Variants in TESC observed in about 807,000 individuals in gnomAD.
TESC encodes the protein tescalcin, also known as calcineurin B homologous protein 3.
TESC carries 19 observed loss-of-function variants against 31.0 expected under a neutral mutation model. That is an observed-to-expected ratio of 0.61 (90% CI 0.43 to 0.90). The LOEUF is 0.90. Ranked by LOEUF, TESC falls within the 40% of genes least tolerant of loss-of-function variation. TESC has a pLI of 0.00. For synonymous variants in TESC, 109 were observed against 114.8 expected (o/e 0.95, Z 0.32); for missense variants, 248 against 303.8 (o/e 0.82, Z 1.36).
Position 117,075,759 on chromosome 12 carries a change from G to A in TESC, c.59-419C>T, listed in dbSNP as rs1593014935. 2.7e-5 allele frequency among the ~76,000 whole-genome samples: 4 copies of A among 148,820 alleles called. No individual in the cohort carries two copies. The South Asian group carries it at 8.6e-4, about 32-fold the overall frequency. Reference sequence around the variant, plus strand: ...AGCTCACTGCAGCCTCCACCTCCTGGGCTCCAGAGATCCTCCCACCTTGGC... The same window carrying A: ...AGCTCACTGCAGCCTCCACCTCCTGAGCTCCAGAGATCCTCCCACCTTGGC... On this transcript the variant is annotated intron_variant, in intron 1 of 7. Transcript: ENST00000335209.
chr12:117,066,200 C>CTTTTTTTTTTTTTTTTTTT lies in TESC; in HGVS notation c.128+9052_128+9070dup, dbSNP rs58829406. On this transcript the variant is annotated intron_variant, in intron 2 of 7. Coordinates refer to ENST00000335209, the MANE Select transcript of TESC (RefSeq NM_017899.4). ...TGTCTGCCCTGTTTCCTTCCTTTAG[C>CTTTTTTTTTTTTTTTTTTT]TTTTTTTTTTTTTTTTTTTTTTTTG... Among the ~76,000 whole-genome samples, 49 of 62,982 alleles carry CTTTTTTTTTTTTTTTTTTT rather than the reference C, an allele frequency of 7.8e-4. 6 individuals carry two copies. The highest frequency in any genetic ancestry group is 1.4e-3 in the African/African-American group (17 of 11,754). 41.3% of individuals were successfully genotyped at this position (62,982 alleles called of 152,430 possible). A position where few individuals can be genotyped will look rare whatever the true frequency, so the allele number is the denominator to read the frequency against.
At chr12:117,080,419 G>A (rs940267691) in intron 1 of TESC, among the ~76,000 whole-genome samples, 1 of 152,114 alleles carries the variant, frequency 6.6e-6, no homozygotes, top group Non-Finnish European at 1.5e-5. Context: ...AGTGAGCCCA[G>A]ATCGCACCAC....
intron 2 of TESC, among the ~76,000 whole-genome samples, chr12:117,065,669 C>G (rs7297496): frequency 0.47 from 71,243 of 151,790 alleles, 19,885 homozygotes; most frequent in African/African-American, 0.79. Flanking sequence ...TGAGAGGACT[C>G]CTTGAGCCCA....
At chr12:117,063,293 G>A (rs558131115) in intron 2 of TESC, among the ~76,000 whole-genome samples, 42 of 152,158 alleles carry the variant, frequency 2.8e-4, no homozygotes, top group Middle Eastern at 3.4e-3. Flanking sequence ...TTCCAGTTGC[G>A]CATTTTTACG....
rs561930624 is a variant in TESC, at chr12:117,053,051, T to C, written c.209+3755A>G. 4.6e-5 allele frequency among the ~76,000 whole-genome samples: 7 copies of C among 152,196 alleles called. No homozygotes were observed. In the East Asian group the frequency reaches 1.4e-3, roughly 29 times the overall value. ...CACCGCCCCTTCCTGCCTAGCTCCC[T>C]CCTCAGGGTCCCCACAGGCCCGTCG... is the stretch of plus-strand genomic sequence containing the variant. On this transcript the variant is annotated intron_variant, in intron 3 of 7. Transcript: ENST00000335209.
intron 3 of TESC, among the ~76,000 whole-genome samples, chr12:117,052,906 C>G (rs1440087897): frequency 6.6e-6 from 1 of 151,750 alleles, no homozygotes; most frequent in African/African-American, 2.4e-5. Flanking sequence ...CAAATCAGAG[C>G]CTGTTGTTCC....
chr12:117,047,881 C>T (rs1192237996), intron 4 of TESC, among the ~76,000 whole-genome samples: 1 of 152,126 alleles, frequency 6.6e-6, no homozygotes, highest in Non-Finnish European at 1.5e-5. Flanking sequence ...CCAGGGACCA[C>T]AGGCACGCAG....
chr12:117,074,811 GTTCT>G (rs2135784081), intron 2 of TESC, among the ~76,000 whole-genome samples: 1 of 152,332 alleles, frequency 6.6e-6, no homozygotes, highest in South Asian at 2.1e-4. Context: ...AACAGAAGTG[GTTCT>G]TTCTTACTGT....
intron 2 of TESC, among the ~76,000 whole-genome samples, chr12:117,070,598 G>A (rs549268387): frequency 1.3e-5 from 2 of 152,270 alleles, no homozygotes; most frequent in African/African-American, 2.4e-5. Context: ...CAATGCCCCT[G>A]GCTTCCTACA....
At chr12:117,081,734 T>C (rs775312423) in intron 1 of TESC, among the ~76,000 whole-genome samples, 13 of 151,956 alleles carry the variant, frequency 8.6e-5, no homozygotes, top group East Asian at 3.9e-4. Context: ...TGAAACCCCA[T>C]CTCTACTAAA....
At chr12:117,065,395 A>C (rs371601612) in intron 2 of TESC, among the ~76,000 whole-genome samples, 1 of 152,180 alleles carries the variant, frequency 6.6e-6, no homozygotes, top group Non-Finnish European at 1.5e-5. Context: ...GCTGAGACAA[A>C]GGGAGGAATC....
intron 1 of TESC, among the ~76,000 whole-genome samples, chr12:117,094,634 C>T (rs1955366119): frequency 6.6e-6 from 1 of 152,136 alleles, no homozygotes; most frequent in South Asian, 2.1e-4. Flanking sequence ...GTGTTTAACC[C>T]TTAAAGGTCG....
intron 1 of TESC, among the ~76,000 whole-genome samples, chr12:117,081,669 C>G (rs150640181): frequency 2.0e-5 from 3 of 151,560 alleles, no homozygotes; most frequent in Non-Finnish European, 4.4e-5. Context: ...TTTGGGAGGC[C>G]GAGGCTGGTG....
In TESC at chr12:117,099,335, G is replaced by C. The variant is rs1955441362; in HGVS notation, c.-53C>G. The C allele has an allele frequency of 2.9e-6, 4 of 1,367,672 alleles. No homozygotes were observed. The Middle Eastern group carries it at 1.1e-3, about 365-fold the overall frequency. 84.7% of individuals were successfully genotyped at this position (1,367,672 alleles called of 1,614,324 possible). Reference sequence around the variant, plus strand: ...CGCGTCCCTCTCAGGCCCCGCACTGGCTTCGGCTGCGCAGCGGCGGGACTG... The same window carrying C: ...CGCGTCCCTCTCAGGCCCCGCACTGCCTTCGGCTGCGCAGCGGCGGGACTG... On this transcript the variant is annotated 5_prime_UTR_variant, in exon 1 of 8. Coordinates refer to ENST00000335209, the MANE Select transcript of TESC (RefSeq NM_017899.4).
At chr12:117,051,025 C>T (rs938724563) in intron 3 of TESC, among the ~76,000 whole-genome samples, 5 of 152,288 alleles carry the variant, frequency 3.3e-5, no homozygotes, top group Admixed American at 2.6e-4. Context: ...CATGAGCGCC[C>T]GAGGCTGCTG....
intron 4 of TESC, 72 bp downstream of exon 4, chr12:117,048,947 C>T: frequency 1.2e-6 from 2 of 1,607,614 alleles, no homozygotes; most frequent in Non-Finnish European, 1.7e-6. Context: ...GCAGAGGCGC[C>T]TTGCGTTCTG....
At chr12:117,056,630 C>T (rs1156765839) in intron 3 of TESC, among the ~76,000 whole-genome samples, 176 bp downstream of exon 3, 3 of 152,324 alleles carry the variant, frequency 2.0e-5, no homozygotes, top group Non-Finnish European at 2.9e-5. Context: ...GCAGCCCAGT[C>T]GCCCAGCTAT....
chr12:117,048,339 C>T (rs975214149), intron 4 of TESC, among the ~76,000 whole-genome samples: 1 of 152,236 alleles, frequency 6.6e-6, no homozygotes, highest in Non-Finnish European at 1.5e-5. Context: ...CCCGCATACA[C>T]ATTCCAGTGC....
At chr12:117,073,068 C>T (rs1259302155) in intron 2 of TESC, among the ~76,000 whole-genome samples, 1 of 152,190 alleles carries the variant, frequency 6.6e-6, no homozygotes, top group Non-Finnish European at 1.5e-5. Context: ...ATATATGCCA[C>T]CTCCCCGCTA....
Sources: gnomAD v4.1 joint callset for allele counts (sites outside exome capture counted in the v4.1 genomes callset) on GRCh38, gnomAD v4.1.1 for gene constraint, MANE v1.5 for transcripts, NCBI Gene and HGNC (gene_info 2026-07-23, HGNC 2026-07-21) for gene names.